RXFP1: variants seen among roughly 807,000 people sequenced by gnomAD.
The protein encoded by RXFP1 is relaxin receptor 1.
In RXFP1, 73 loss-of-function variants were observed where a neutral mutation model predicts 89.8. The ratio of observed to expected loss-of-function variants is 0.81; its 90% CI spans 0.67 to 0.99. RXFP1 has a LOEUF of 0.99. Among genes scored for constraint, RXFP1 ranks in the 50% least tolerant of loss-of-function variants. The pLI is 0.00. For missense variants in RXFP1, 793 were observed against 895.5 expected (o/e 0.89, Z 1.46); for synonymous variants, 277 against 305.5 (o/e 0.91, Z 0.97).
chr4:158,609,943 C>T (rs1052131324), intron 6 of RXFP1, among the ~76,000 whole-genome samples: 4 of 152,156 alleles, frequency 2.6e-5, no homozygotes, highest in Admixed American at 2.0e-4. Flanking sequence ...CTTTTCATAG[C>T]TTTTCTATAG....
chr4:158,604,775 C>A (rs1285708458), intron 4 of RXFP1, among the ~76,000 whole-genome samples: 1 of 152,006 alleles, frequency 6.6e-6, no homozygotes, highest in Non-Finnish European at 1.5e-5. Context: ...TTGTTAAATA[C>A]AAATAGGAAA....
chr4:158,599,466 G>GTCA, intron 4 of RXFP1, 35 bp downstream of exon 4: 1 of 1,529,876 alleles, frequency 6.5e-7, no homozygotes, highest in Non-Finnish European at 9.0e-7. Flanking sequence ...CCTGACAGCT[G>GTCA]GGTAGCACCT....
At chr4:158,531,850 A>G (rs1744118298) in intron 1 of RXFP1, among the ~76,000 whole-genome samples, 1 of 152,220 alleles carries the variant, frequency 6.6e-6, no homozygotes, top group Admixed American at 6.5e-5. Flanking sequence ...GCTAATTCAA[A>G]GTAGCTTGGT....
chr4:158,581,331 T>C (rs1390489427), intron 2 of RXFP1, among the ~76,000 whole-genome samples: 1 of 152,214 alleles, frequency 6.6e-6, no homozygotes, highest in East Asian at 1.9e-4. Flanking sequence ...TACATAACTC[T>C]TCTGACATCA....
intron 1 of RXFP1, among the ~76,000 whole-genome samples, chr4:158,523,678 C>A (rs1328374227): frequency 6.6e-6 from 1 of 152,120 alleles, no homozygotes; most frequent in Non-Finnish European, 1.5e-5. Context: ...GGCAATTCCT[C>A]GCTACATGGT....
rs1270444937 is a variant in RXFP1 at position 158,628,652 on chromosome 4, A to T, written c.842A>T (p.Asn281Ile). 6.4e-7 allele frequency: 1 copy of T among 1,561,032 alleles called. No homozygotes were observed. Among genetic ancestry groups the T allele is most frequent in the East Asian group, 2.3e-5 (1 of 44,354 alleles). ...SNLTVLVMRK[N>I]KINHLNENTF... ...TTTACTTTCAGAGTGATGAGGAAAAACAAAATTAATCACTTAAATGAAAAT... is the reference window on the plus strand; with the variant it reads ...TTTACTTTCAGAGTGATGAGGAAAATCAAAATTAATCACTTAAATGAAAAT... Residue 281 changes from asparagine (N) to isoleucine (I), a missense_variant, in exon 11 of 18, where the codon AAC (asparagine) becomes ATC (isoleucine). By Grantham distance (149) the Asn-to-Ile change is moderately radical. Coordinates refer to ENST00000307765, the MANE Select transcript of RXFP1 (RefSeq NM_021634.4).
chr4:158,561,159 A>T (rs1404646530), intron 1 of RXFP1, among the ~76,000 whole-genome samples: 1 of 152,244 alleles, frequency 6.6e-6, no homozygotes, highest in African/African-American at 2.4e-5. Context: ...ACTCAAGTTG[A>T]AAAAATTGAA....
chr4:158,607,084 C>T, intron 5 of RXFP1: 1 of 1,536,024 alleles, frequency 6.5e-7, no homozygotes, highest in Non-Finnish European at 8.7e-7. Flanking sequence ...GCACTCAGAA[C>T]ATGAAGGCAG....
intron 2 of RXFP1, among the ~76,000 whole-genome samples, chr4:158,591,144 G>C (rs1317677476): frequency 6.6e-6 from 1 of 152,126 alleles, no homozygotes; most frequent in Non-Finnish European, 1.5e-5. Flanking sequence ...CTTAGGGTCT[G>C]GAAAACATAT....
chr4:158,642,281 T>C (rs1770530892), intron 14 of RXFP1, among the ~76,000 whole-genome samples: 1 of 152,174 alleles, frequency 6.6e-6, no homozygotes, highest in Non-Finnish European at 1.5e-5. Context: ...CTCTCAAACA[T>C]TTATCATTTC....
intron 1 of RXFP1, among the ~76,000 whole-genome samples, chr4:158,526,169 T>G (rs1742460457): frequency 6.6e-6 from 1 of 152,244 alleles, no homozygotes; most frequent in Non-Finnish European, 1.5e-5. Flanking sequence ...GCTATCTGCT[T>G]TGTATACATT....
Position 158,593,412 on chromosome 4 carries a change from G to C in RXFP1, c.199G>C (p.Gly67Arg). Residue 67 changes from glycine (G) to arginine (R), a missense_variant, in exon 3 of 18, where the codon GGA (glycine) becomes CGA (arginine). Physicochemically the swap from Gly to Arg is moderately radical, Grantham distance 125. Transcript: ENST00000307765. ...ADEDNCGDNN[G>R]WSLQFDKYFA... is the part of the protein sequence containing the mutation. Reference sequence around the variant, plus strand: ...GATTTTTATTTTAGGAGACAACAATGGATGGTCTCTGCAATTTGACAAATA... The same window carrying C: ...GATTTTTATTTTAGGAGACAACAATCGATGGTCTCTGCAATTTGACAAATA... The C allele has an allele frequency of 1.9e-6, 3 of 1,607,124 alleles. No individual in the cohort carries two copies. The highest frequency in any genetic ancestry group is 2.6e-6 in the Non-Finnish European group (3 of 1,175,084).
intron 12 of RXFP1, 100 bp downstream of exon 12, chr4:158,633,576 G>GA: frequency 1.4e-6 from 1 of 699,884 alleles, no homozygotes; most frequent in Non-Finnish European, 2.4e-6. Context: ...TAAGTGTGTA[G>GA]TTGAGTAGCA....
chr4:158,576,832 TG>T (rs988191427), intron 2 of RXFP1, among the ~76,000 whole-genome samples: 1 of 152,200 alleles, frequency 6.6e-6, no homozygotes, highest in African/African-American at 2.4e-5. Context: ...AAAAATAGAC[TG>T]GAACTTTCCA....
intron 9 of RXFP1, among the ~76,000 whole-genome samples, chr4:158,623,146 G>A (rs1765951584): frequency 6.6e-6 from 1 of 151,926 alleles, no homozygotes; most frequent in South Asian, 2.1e-4. Context: ...ACACACCAAA[G>A]AAATTAATAT....
At chr4:158,646,406 A>G in intron 15 of RXFP1, 5 of 1,016,064 alleles carry the variant, frequency 4.9e-6, no homozygotes, top group Non-Finnish European at 6.7e-6. Flanking sequence ...ATTTCAGTGG[A>G]AGAGCAGAAC....
intron 1 of RXFP1, among the ~76,000 whole-genome samples, chr4:158,531,165 T>C (rs954134937): frequency 6.6e-5 from 10 of 152,110 alleles, no homozygotes; most frequent in African/African-American, 2.4e-4. Context: ...CCTCGCGAGT[T>C]GCTGGGACTC....
At chr4:158,554,339 A>G (rs1750802112) in intron 1 of RXFP1, among the ~76,000 whole-genome samples, 1 of 152,176 alleles carries the variant, frequency 6.6e-6, no homozygotes. Flanking sequence ...TTTCCTAAGT[A>G]TATAAACTGA....
intron 3 of RXFP1, among the ~76,000 whole-genome samples, chr4:158,594,885 G>C (rs1418725705): frequency 6.6e-6 from 1 of 151,936 alleles, no homozygotes; most frequent in Non-Finnish European, 1.5e-5. Flanking sequence ...CAATATGTCT[G>C]AATAATTGAG....
Sources: allele counts gnomAD v4.1 joint callset (sites outside exome capture counted in the v4.1 genomes callset), GRCh38; gene constraint gnomAD v4.1.1; transcripts MANE v1.5; gene names NCBI Gene and HGNC (gene_info 2026-07-23, HGNC 2026-07-21).